The following ZNF674 variants were observed in gnomAD, a reference collection of about 807,000 sequenced individuals.
ZNF674 encodes the protein zinc finger protein 674.
ZNF674 carries 2 observed loss-of-function variants against 7.0 expected under a neutral mutation model. The ratio of observed to expected loss-of-function variants is 0.29; its 90% CI spans 0.12 to 0.90. The LOEUF (loss-of-function observed/expected upper bound fraction) is 0.90, where lower values mean the gene tolerates loss of function less well. Among genes scored for constraint, ZNF674 ranks in the 40% least tolerant of loss-of-function variants. The probability of loss-of-function intolerance (pLI) is 0.57; values close to 1 mark genes in which losing one functional copy is unlikely to be tolerated. For synonymous variants in ZNF674, 103 were observed against 145.2 expected (o/e 0.71, Z 2.09); for missense variants, 297 against 415.5 (o/e 0.71, Z 2.48).
In ZNF674 at chrX:46,525,908, A is replaced by G. The variant is rs184768087; in HGVS notation, c.238+2442T>C. ...CACTTATAGTATCTTATAAGAACAA[A>G]AAAAGCTGGTATTAATTAAACAAAA... On this transcript the variant is annotated intron_variant, in intron 5 of 5. Coordinates refer to ENST00000683375, the MANE Select transcript of ZNF674 (RefSeq NM_001190417.2). Among the ~76,000 whole-genome samples, 573 of 112,218 alleles carry G rather than the reference A, an allele frequency of 5.1e-3. 5 individuals are homozygous for G. Among genetic ancestry groups the G allele is most frequent in the East Asian group, 0.02 (71 of 3,602 alleles).
At chrX:46,533,829 A>ATATATAT (rs1556020014) in intron 3 of ZNF674, among the ~76,000 whole-genome samples, 1 of 65,550 alleles carries the variant, frequency 1.5e-5, no homozygotes, top group African/African-American at 9.8e-5. Flanking sequence ...AAAAAAAAAA[A>ATATATAT]ATATATATAT....
At chrX:46,505,541 C>T (rs1941517454) in intron 5 of ZNF674, among the ~76,000 whole-genome samples, 1 of 111,541 alleles carries the variant, frequency 9.0e-6, no homozygotes, top group Non-Finnish European at 1.9e-5. Flanking sequence ...GGGGCCGAGG[C>T]GGATGTATCA....
At chrX:46,512,765 C>CAA (rs59242903) in intron 5 of ZNF674, among the ~76,000 whole-genome samples, 9 of 74,845 alleles carry the variant, frequency 1.2e-4, no homozygotes, top group African/African-American at 2.6e-4. Flanking sequence ...CTCCATCTCA[C>CAA]AAAAAAAAAA....
chrX:46,510,003 A>G (rs1941619673), intron 5 of ZNF674, among the ~76,000 whole-genome samples: 1 of 109,968 alleles, frequency 9.1e-6, no homozygotes, highest in Admixed American at 9.8e-5. Flanking sequence ...CATGGATGAA[A>G]CTGGAAATCA....
chrX:46,520,607 T>A (rs753725465), intron 5 of ZNF674, among the ~76,000 whole-genome samples: 1 of 111,219 alleles, frequency 9.0e-6, no homozygotes, highest in African/African-American at 3.3e-5. Context: ...TGAGAATGTA[T>A]AATGATCTCA....
chrX:46,543,729 C>A (rs1057011177), intron 2 of ZNF674, among the ~76,000 whole-genome samples: 1 of 112,287 alleles, frequency 8.9e-6, no homozygotes, highest in South Asian at 3.6e-4. Context: ...TGCAGAGTAA[C>A]CATTTCATAC....
chrX:46,500,557 G>A lies in ZNF674; in HGVS notation c.1017C>T (p.Ser339=). 8.3e-7 allele frequency: 1 copy of A among 1,210,943 alleles called. No homozygotes were observed. The part of the protein sequence containing the change: ...AFYKGIKCTT[S]SLIYQRIHTS... ...TGTGAATTCTTTGATATATAAGGCTGGACGTAGTACATTTAATACCTTTAT... is the reference window on the plus strand; with the variant it reads ...TGTGAATTCTTTGATATATAAGGCTAGACGTAGTACATTTAATACCTTTAT... The change falls in exon 6 of 6, where the codon TCC becomes TCT. Residue 339 remains serine (S), a synonymous_variant. Transcript: ENST00000683375.
At chrX:46,509,783 T>G (rs1280307703) in intron 5 of ZNF674, among the ~76,000 whole-genome samples, 2 of 101,225 alleles carry the variant, frequency 2.0e-5, no homozygotes, top group East Asian at 6.3e-4. Context: ...GCCATCCCAT[T>G]ACTGGGTATA....
chrX:46,526,894 G>A (rs907713074), intron 5 of ZNF674, among the ~76,000 whole-genome samples: 14 of 111,283 alleles, frequency 1.3e-4, no homozygotes, highest in African/African-American at 3.9e-4. Flanking sequence ...AATTAAAAAC[G>A]TCTACTCTAC....
intron 5 of ZNF674, among the ~76,000 whole-genome samples, chrX:46,506,840 G>A (rs1941549874): frequency 9.0e-6 from 1 of 111,512 alleles, no homozygotes; most frequent in South Asian, 3.7e-4. Context: ...CAATGCAGAG[G>A]GTGAAGGGAA....
At chrX:46,512,219 G>A (rs1279836751) in intron 5 of ZNF674, among the ~76,000 whole-genome samples, 2 of 108,203 alleles carry the variant, frequency 1.8e-5, no homozygotes, top group Non-Finnish European at 3.8e-5. Flanking sequence ...AAAATTAGCC[G>A]GCCGTGGTGG....
Position 46,528,903 on chromosome X carries a change from A to G in ZNF674, c.22T>C (p.Leu8=). Residue 8 remains leucine, a synonymous_variant, in exon 4 of 6, where the codon TTG becomes CTG. Transcript: ENST00000683375. The stretch of plus-strand genomic sequence containing the variant: ...TCCACAAACACGTCCTTGAAGGTCA[A>G]TGATTCCTGTAACGGCACATTCCTC... MAMSQES[L]TFKDVFVDFT... The G allele has an allele frequency of 1.7e-6, 2 of 1,211,810 alleles. No individual in the cohort carries two copies. The highest frequency in any genetic ancestry group is 3.5e-5 in the South Asian group (2 of 56,978).
intron 3 of ZNF674, among the ~76,000 whole-genome samples, chrX:46,536,374 G>A (rs914009827): frequency 2.7e-5 from 3 of 110,701 alleles, no homozygotes; most frequent in African/African-American, 6.6e-5. Context: ...GGCGGATCAC[G>A]AGGTCAAGAG....
intron 5 of ZNF674, among the ~76,000 whole-genome samples, chrX:46,527,195 C>T (rs1387289847): frequency 9.3e-6 from 1 of 107,546 alleles, no homozygotes; most frequent in Non-Finnish European, 1.9e-5. Flanking sequence ...ACCCAGGAGG[C>T]GAGGTTGCAG....
chrX:46,533,829 A>AAAAAATATATAT (rs1415090691), intron 3 of ZNF674, among the ~76,000 whole-genome samples: 1 of 65,567 alleles, frequency 1.5e-5, no homozygotes, highest in African/African-American at 9.8e-5. Context: ...AAAAAAAAAA[A>AAAAAATATATAT]ATATATATAT....
chrX:46,505,795 C>CACACACACACACACACAT (rs1556010542), intron 5 of ZNF674, among the ~76,000 whole-genome samples: 51 of 106,378 alleles, frequency 4.8e-4, no homozygotes, highest in African/African-American at 1.8e-3. Context: ...CACACACACA[C>CACACACACACACACACAT]GAAAAAAAAA....
At chrX:46,535,662 C>A (rs1466051811) in intron 3 of ZNF674, among the ~76,000 whole-genome samples, 1 of 111,762 alleles carries the variant, frequency 8.9e-6, no homozygotes, top group Non-Finnish European at 1.9e-5. Flanking sequence ...ATACTTAGTA[C>A]AGTCAAGTAT....
intron 5 of ZNF674, 83 bp from the exon 6 acceptor site, chrX:46,501,418 G>A: frequency 2.1e-6 from 2 of 968,131 alleles, no homozygotes; most frequent in South Asian, 4.6e-5. Flanking sequence ...CCCAAGCAGT[G>A]AACTCCTATC....
intron 4 of ZNF674, 61 bp from the exon 5 acceptor site, chrX:46,528,506 C>T (rs1942050130): frequency 1.8e-6 from 2 of 1,128,874 alleles, no homozygotes; most frequent in Non-Finnish European, 2.4e-6. Flanking sequence ...AGAACCTAGG[C>T]CCACCCCTGC....
Sources: allele counts gnomAD v4.1 joint callset (sites outside exome capture counted in the v4.1 genomes callset), GRCh38; gene constraint gnomAD v4.1.1; transcripts MANE v1.5; gene names NCBI Gene and HGNC (gene_info 2026-07-23, HGNC 2026-07-21).